The following RANBP2 variants were observed in gnomAD, a reference collection of about 807,000 sequenced individuals.
RANBP2 encodes the protein E3 SUMO-protein ligase RanBP2.
In RANBP2, 57 loss-of-function variants were observed where a neutral mutation model predicts 303.6. The observed-to-expected ratio is 0.19, with a 90% CI of 0.15 to 0.23. The LOEUF (loss-of-function observed/expected upper bound fraction) is 0.23, where lower values mean the gene tolerates loss of function less well. Ranked by LOEUF, RANBP2 falls within the 10% of genes least tolerant of loss-of-function variation. The pLI, the probability that RANBP2 is intolerant of heterozygous loss-of-function variation, is 1.00. For synonymous variants in RANBP2, 1,167 were observed against 1,301.5 expected, an observed-to-expected ratio of 0.90 and a Z score of 2.23; for missense variants, 3,138 against 3,780.8, an observed-to-expected ratio of 0.83 and a Z score of 4.46.
the RANBP2 span, among the ~76,000 whole-genome samples, chr2:109,626,589 C>T: frequency 2.0e-5 from 3 of 152,268 alleles, no homozygotes; most frequent in Non-Finnish European, 2.9e-5. Context: ...ATCAGCCAGT[C>T]GATGGGGAGG....
chr2:109,236,626 C>T, the RANBP2 span, among the ~76,000 whole-genome samples: 1 of 152,130 alleles, frequency 6.6e-6, no homozygotes, highest in African/African-American at 2.4e-5. Flanking sequence ...ATTAACATTA[C>T]CACGAGAAGA....
the RANBP2 span, among the ~76,000 whole-genome samples, chr2:109,382,588 C>T: frequency 3.3e-5 from 5 of 152,200 alleles, no homozygotes; most frequent in Non-Finnish European, 7.3e-5. Flanking sequence ...CACAGAGCAC[C>T]CCAGTCGTCT....
At chr2:108,835,993 C>G in the RANBP2 span, among the ~76,000 whole-genome samples, 2 of 152,186 alleles carry the variant, frequency 1.3e-5, no homozygotes, top group African/African-American at 4.8e-5. Context: ...CAGTCCCACA[C>G]GCCTTTATTA....
the RANBP2 span, among the ~76,000 whole-genome samples, chr2:109,078,164 TA>T: frequency 7.5e-6 from 1 of 132,832 alleles, no homozygotes; most frequent in African/African-American, 2.7e-5. Flanking sequence ...TGTATATATA[TA>T]TAGCGTGTAT....
the RANBP2 span, among the ~76,000 whole-genome samples, chr2:108,887,649 A>G: frequency 9.9e-5 from 15 of 152,116 alleles, no homozygotes; most frequent in Admixed American, 9.2e-4. Context: ...TTGTAAATGG[A>G]ATTGCCTTCT....
At chr2:109,402,914 G>C in the RANBP2 span, among the ~76,000 whole-genome samples, 1 of 152,276 alleles carries the variant, frequency 6.6e-6, no homozygotes, top group Admixed American at 6.5e-5. Context: ...GTCTGCCCTG[G>C]AAAAGCAGCT....
At chr2:109,129,266 C>T in the RANBP2 span, 4 of 604,318 alleles carry the variant, frequency 6.6e-6, no homozygotes, top group African/African-American at 2.0e-5. Flanking sequence ...GGCGGACTTG[C>T]GGCGGGACAG....
chr2:108,821,763 G>A, the RANBP2 span, among the ~76,000 whole-genome samples: 2 of 151,940 alleles, frequency 1.3e-5, no homozygotes, highest in Admixed American at 6.6e-5. Flanking sequence ...TGGTCAACAT[G>A]GTGAAACCCC....
the RANBP2 span, among the ~76,000 whole-genome samples, chr2:109,606,118 T>C: frequency 3.9e-5 from 6 of 152,142 alleles, no homozygotes; most frequent in Non-Finnish European, 8.8e-5. Context: ...GCTGGGAGAA[T>C]AAAATGTGGT....
At chr2:109,733,379 T>C in the RANBP2 span, among the ~76,000 whole-genome samples, 2 of 152,164 alleles carry the variant, frequency 1.3e-5, no homozygotes, top group Admixed American at 1.3e-4. Flanking sequence ...ATAACACCCT[T>C]TCATAATAAA....
the RANBP2 span, among the ~76,000 whole-genome samples, chr2:109,458,313 A>G: frequency 6.6e-6 from 1 of 152,194 alleles, no homozygotes; most frequent in Non-Finnish European, 1.5e-5. Context: ...CCAATAGGTC[A>G]ACTTCATGAA....
the RANBP2 span, among the ~76,000 whole-genome samples, chr2:109,650,793 T>C: frequency 9.9e-3 from 1,510 of 152,342 alleles, 39 homozygotes; most frequent in African/African-American, 0.033. Context: ...CCTTCTGCTA[T>C]GATTGTGAGG....
chr2:109,059,575 C>CAAAAAAA, the RANBP2 span, among the ~76,000 whole-genome samples: 86 of 133,724 alleles, frequency 6.4e-4, no homozygotes, highest in African/African-American at 2.2e-3. Flanking sequence ...GGCTCCGTCT[C>CAAAAAAA]AAAAAAAAAA....
At chr2:109,766,593 A>G in the RANBP2 span, among the ~76,000 whole-genome samples, 1 of 150,640 alleles carries the variant, frequency 6.6e-6, no homozygotes, top group African/African-American at 2.4e-5. Flanking sequence ...GGAGGGTTTT[A>G]AAATGCTAAG....
At chr2:109,585,298 T>C in the RANBP2 span, 21 of 1,603,450 alleles carry the variant, frequency 1.3e-5, no homozygotes, top group Admixed American at 3.5e-5. Flanking sequence ...TCAATCAGTG[T>C]TGATTTTCCA....
At chr2:108,830,098 A>G in the RANBP2 span, among the ~76,000 whole-genome samples, 2 of 152,208 alleles carry the variant, frequency 1.3e-5, no homozygotes, top group Non-Finnish European at 2.9e-5. Flanking sequence ...CATGAAATTG[A>G]CACATGCTAC....
the RANBP2 span, among the ~76,000 whole-genome samples, chr2:109,136,492 T>C: frequency 6.6e-6 from 1 of 152,102 alleles, no homozygotes; most frequent in Non-Finnish European, 1.5e-5. Flanking sequence ...CCTTTTCCCA[T>C]TGAGTGAAGT....
At chr2:109,443,321 T>C in the RANBP2 span, among the ~76,000 whole-genome samples, 1 of 152,234 alleles carries the variant, frequency 6.6e-6, no homozygotes. Context: ...GCCAAAACTT[T>C]CTGCATTGTA....
chr2:109,466,121 C>G, the RANBP2 span, among the ~76,000 whole-genome samples: 1 of 146,564 alleles, frequency 6.8e-6, no homozygotes. Flanking sequence ...GCTCCGTCGC[C>G]CAGGCTGGAG....
Sources: allele counts gnomAD v4.1 joint callset (sites outside exome capture counted in the v4.1 genomes callset), GRCh38; gene constraint gnomAD v4.1.1; transcripts MANE v1.5; gene names NCBI Gene and HGNC (gene_info 2026-07-23, HGNC 2026-07-21).